Variants in SPOPL observed in about 807,000 individuals in gnomAD.
SPOPL encodes the protein speckle-type POZ protein-like.
A neutral mutation model predicts 53.8 loss-of-function variants in SPOPL; 23 were observed. That is an observed-to-expected ratio of 0.43 (90% CI 0.31 to 0.61). The LOEUF (loss-of-function observed/expected upper bound fraction) is 0.61, where lower values mean the gene tolerates loss of function less well. Ranked by LOEUF, SPOPL falls within the 20% of genes least tolerant of loss-of-function variation. SPOPL has a pLI of 0.12. For missense variants in SPOPL, 442 were observed against 466.9 expected, an observed-to-expected ratio of 0.95 and a Z score of 0.49; for synonymous variants, 164 against 149.7, an observed-to-expected ratio of 1.10 and a Z score of -0.70.
intron 5 of SPOPL, chr2:138,554,378 A>G: frequency 9.9e-7 from 1 of 1,005,210 alleles, no homozygotes; most frequent in Non-Finnish European, 1.3e-6. Flanking sequence ...CTTTTAACTA[A>G]CATTCTTCAT....
intron 1 of SPOPL, among the ~76,000 whole-genome samples, chr2:138,546,340 C>G (rs1013353324): frequency 6.6e-6 from 1 of 152,154 alleles, no homozygotes; most frequent in Admixed American, 6.5e-5. Context: ...GTGTTTTTCT[C>G]TAGATCTTAG....
At chr2:138,513,922 C>G (rs1684383703) in intron 1 of SPOPL, among the ~76,000 whole-genome samples, 1 of 152,108 alleles carries the variant, frequency 6.6e-6, no homozygotes, top group South Asian at 2.1e-4. Flanking sequence ...TTATACACTT[C>G]AGGGCATCAA....
At chr2:138,544,753 T>C (rs1685155001) in intron 1 of SPOPL, among the ~76,000 whole-genome samples, 1 of 152,168 alleles carries the variant, frequency 6.6e-6, no homozygotes, top group African/African-American at 2.4e-5. Flanking sequence ...GCACCCACTT[T>C]CCGACACTCC....
intron 1 of SPOPL, among the ~76,000 whole-genome samples, chr2:138,520,056 A>G (rs1480968408): frequency 2.0e-5 from 3 of 152,216 alleles, no homozygotes; most frequent in Non-Finnish European, 4.4e-5. Flanking sequence ...AGGTTAAATT[A>G]TCTGTCACTA....
At chr2:138,539,684 C>T (rs1250459537) in intron 1 of SPOPL, among the ~76,000 whole-genome samples, 1 of 152,198 alleles carries the variant, frequency 6.6e-6, no homozygotes, top group East Asian at 1.9e-4. Context: ...CAAACATTTT[C>T]TCCCATTCTG....
chr2:138,513,371 G>A (rs1290041771), intron 1 of SPOPL, among the ~76,000 whole-genome samples: 1 of 152,138 alleles, frequency 6.6e-6, no homozygotes, highest in East Asian at 1.9e-4. Flanking sequence ...CTGGCAACAT[G>A]GTGAAACCCC....
chr2:138,517,694 G>A (rs939167215), intron 1 of SPOPL, among the ~76,000 whole-genome samples: 2 of 150,704 alleles, frequency 1.3e-5, no homozygotes, highest in Non-Finnish European at 3.0e-5. Flanking sequence ...AGCCAAGATC[G>A]CGCCACTGCA....
intron 1 of SPOPL, among the ~76,000 whole-genome samples, chr2:138,534,305 A>T (rs970786173): frequency 2.0e-5 from 3 of 152,212 alleles, no homozygotes; most frequent in African/African-American, 7.2e-5. Context: ...ACAACAATTT[A>T]AAAAATCTAA....
chr2:138,514,245 T>A (rs993715914), intron 1 of SPOPL, among the ~76,000 whole-genome samples: 3 of 152,126 alleles, frequency 2.0e-5, no homozygotes, highest in Non-Finnish European at 2.9e-5. Context: ...TAGGGAGACA[T>A]GAGACATCAA....
intron 7 of SPOPL, 69 bp from the exon 8 acceptor site, chr2:138,560,736 G>T: frequency 2.7e-6 from 4 of 1,487,838 alleles, no homozygotes; most frequent in Non-Finnish European, 3.6e-6. Flanking sequence ...TACTGTCAAA[G>T]ATTCACTTTG....
chr2:138,559,078 G>GA lies in SPOPL; in HGVS notation c.539dup (p.Val181GlyfsTer3), dbSNP rs1405921413. 1 of 1,613,480 alleles carries GA rather than the reference G, an allele frequency of 6.2e-7. No homozygotes were observed. Among genetic ancestry groups the GA allele is most frequent in the Non-Finnish European group, 8.5e-7 (1 of 1,179,856 alleles). ...CAGGACATACTAATACAAATACTTT[G>GA]AAGGTGCCTGAGTGTCGTCTAGCAG... On this transcript the variant is annotated frameshift_variant, in exon 6 of 11. Coordinates refer to ENST00000280098, the MANE Select transcript of SPOPL (RefSeq NM_001001664.3). LOFTEE classifies it high-confidence loss of function.
intron 1 of SPOPL, among the ~76,000 whole-genome samples, chr2:138,538,581 A>G (rs1684988830): frequency 6.6e-6 from 1 of 152,072 alleles, no homozygotes; most frequent in South Asian, 2.1e-4. Flanking sequence ...TTTGATTTCC[A>G]TACACAAGAA....
intron 1 of SPOPL, among the ~76,000 whole-genome samples, chr2:138,538,509 A>G (rs1023463216): frequency 2.0e-5 from 3 of 152,188 alleles, no homozygotes; most frequent in African/African-American, 7.2e-5. Flanking sequence ...TTATGGTAGC[A>G]TAGCCACCCA....
intron 7 of SPOPL, 28 bp from the exon 8 acceptor site, chr2:138,560,777 A>G (rs1558880539): frequency 1.3e-6 from 2 of 1,556,368 alleles, no homozygotes; most frequent in Non-Finnish European, 8.6e-7. Flanking sequence ...TTTTTTTTTA[A>G]CATTTTTGTG....
chr2:138,544,009 G>T (rs1243389241), intron 1 of SPOPL, among the ~76,000 whole-genome samples: 1 of 152,158 alleles, frequency 6.6e-6, no homozygotes, highest in Non-Finnish European at 1.5e-5. Flanking sequence ...TCCAGACCCT[G>T]TTTGCCTGGG....
chr2:138,568,827 A>T (rs1685719517), intron 10 of SPOPL, 109 bp from the exon 11 acceptor site: 2 of 1,142,796 alleles, frequency 1.8e-6, no homozygotes, highest in Non-Finnish European at 2.5e-6. Context: ...ATACATAGGT[A>T]AAAAGTGTTC....
At chr2:138,567,778 G>A (rs1471875778) in intron 10 of SPOPL, among the ~76,000 whole-genome samples, 1 of 152,096 alleles carries the variant, frequency 6.6e-6, no homozygotes, top group Non-Finnish European at 1.5e-5. Context: ...AGAAAAGAAA[G>A]TAAGAAATAT....
At chr2:138,549,052 AGTT>A (rs1685257162) in intron 1 of SPOPL, among the ~76,000 whole-genome samples, 2 of 152,068 alleles carry the variant, frequency 1.3e-5, no homozygotes, top group African/African-American at 4.8e-5. Context: ...AGGTCTAGCT[AGTT>A]GTTTTACACT....
chr2:138,529,311 A>T (rs1275111196), intron 1 of SPOPL, among the ~76,000 whole-genome samples: 1 of 152,212 alleles, frequency 6.6e-6, no homozygotes, highest in Non-Finnish European at 1.5e-5. Flanking sequence ...ATAGGAAGCC[A>T]ATAAGTAATA....
Sources: gnomAD v4.1 joint callset for allele counts (sites outside exome capture counted in the v4.1 genomes callset) on GRCh38, gnomAD v4.1.1 for gene constraint, MANE v1.5 for transcripts, NCBI Gene and HGNC (gene_info 2026-07-23, HGNC 2026-07-21) for gene names.